GRIK1: variants seen among roughly 807,000 people sequenced by gnomAD.
GRIK1 encodes the protein glutamate receptor ionotropic, kainate 1.
A neutral mutation model predicts 105.7 loss-of-function variants in GRIK1; 69 were observed. That is an observed-to-expected ratio of 0.65 (90% CI 0.54 to 0.80). The LOEUF (loss-of-function observed/expected upper bound fraction) is 0.80. GRIK1 is among the 30% of genes least tolerant of loss of function. The pLI, the probability that GRIK1 is intolerant of heterozygous loss-of-function variation, is 0.00. For synonymous variants in GRIK1, 438 were observed against 431.3 expected, an observed-to-expected ratio of 1.02 and a Z score of -0.19; for missense variants, 1,109 against 1,167.3, an observed-to-expected ratio of 0.95 and a Z score of 0.73.
At chr21:29,693,861 C>A (rs1212834913) in intron 2 of GRIK1, 35 bp downstream of exon 2, 2 of 1,534,914 alleles carry the variant, frequency 1.3e-6, no homozygotes, top group South Asian at 1.1e-5. Context: ...AGACATATCA[C>A]CCAAAGAAGC....
chr21:29,657,107 A>G (rs1271594578), intron 4 of GRIK1, among the ~76,000 whole-genome samples: 2 of 152,118 alleles, frequency 1.3e-5, no homozygotes, highest in Non-Finnish European at 2.9e-5. Flanking sequence ...CAGAAATCCT[A>G]TTTTTCACTT....
chr21:29,734,307 A>G (rs531079720), intron 1 of GRIK1, among the ~76,000 whole-genome samples: 2 of 151,976 alleles, frequency 1.3e-5, no homozygotes, highest in Non-Finnish European at 2.9e-5. Context: ...CACACTACAG[A>G]CAGAGTGATC....
chr21:29,917,409 T>G (rs142237315), intron 1 of GRIK1, among the ~76,000 whole-genome samples: 5 of 152,138 alleles, frequency 3.3e-5, no homozygotes, highest in African/African-American at 1.2e-4. Flanking sequence ...GGAATGCCAA[T>G]CTCTGCATCA....
chr21:29,736,844 A>G (rs1440865519), intron 1 of GRIK1, among the ~76,000 whole-genome samples: 1 of 151,294 alleles, frequency 6.6e-6, no homozygotes, highest in Non-Finnish European at 1.5e-5. Context: ...TGGCTGACTG[A>G]TTTTTGTATT....
chr21:29,915,310 C>A (rs2070958021), intron 1 of GRIK1, among the ~76,000 whole-genome samples: 1 of 151,992 alleles, frequency 6.6e-6, no homozygotes, highest in African/African-American at 2.4e-5. Context: ...CATATCCAAC[C>A]AGACCTTGTA....
intron 1 of GRIK1, among the ~76,000 whole-genome samples, chr21:29,803,400 C>T (rs1314022909): frequency 1.3e-5 from 2 of 152,154 alleles, no homozygotes; most frequent in African/African-American, 4.8e-5. Context: ...AGCAAATGAA[C>T]ATGTCACCAT....
chr21:29,831,273 G>T (rs963184059), intron 1 of GRIK1, among the ~76,000 whole-genome samples: 6 of 152,058 alleles, frequency 3.9e-5, no homozygotes, highest in Non-Finnish European at 7.4e-5. Flanking sequence ...CTGCAGCTTT[G>T]ACTCCCACCA....
chr21:29,580,734 C>T (rs1424846300), intron 13 of GRIK1, among the ~76,000 whole-genome samples: 1 of 151,932 alleles, frequency 6.6e-6, no homozygotes, highest in Non-Finnish European at 1.5e-5. Flanking sequence ...ATTTTCTATA[C>T]CATATGCCTG....
intron 1 of GRIK1, among the ~76,000 whole-genome samples, chr21:29,755,464 G>A (rs577584124): frequency 3.3e-5 from 5 of 152,338 alleles, no homozygotes; most frequent in Admixed American, 3.3e-4. Context: ...AACCCTAACA[G>A]GTGAATACCA....
intron 1 of GRIK1, among the ~76,000 whole-genome samples, chr21:29,896,671 G>A (rs768599044): frequency 6.6e-6 from 1 of 152,166 alleles, no homozygotes. Flanking sequence ...GAAATACACT[G>A]TATTCACTAT....
At chr21:29,653,576 G>A (rs1314160829) in intron 5 of GRIK1, among the ~76,000 whole-genome samples, 1 of 152,178 alleles carries the variant, frequency 6.6e-6, no homozygotes, top group African/African-American at 2.4e-5. Flanking sequence ...AGAAAGTTCC[G>A]AGGCAGATGG....
At position 29,654,691 on chromosome 21, in the gene GRIK1, AAAGT is replaced by A. The variant is rs61307567; in HGVS notation, c.780+115_780+118del. 0.012 allele frequency: 8,010 copies of A among 667,802 alleles called. 477 individuals are homozygous for A. In the African/African-American group the frequency reaches 0.13, roughly 11 times the overall value. The allele number at this position is 667,802 out of a possible 1,614,324, so 41.4% of individuals were successfully genotyped here. ...TTGCTGGATTTAGAGGATTCTTAGGAAAGTAAGGCAAGTCTCCATGACAATATCC... is the reference window on the plus strand; with the variant it reads ...TTGCTGGATTTAGAGGATTCTTAGGAAAGGCAAGTCTCCATGACAATATCC... On this transcript the variant is annotated intron_variant, in intron 5 of 17. Coordinates refer to ENST00000327783, the MANE Select transcript of GRIK1 (RefSeq NM_001330994.2).
intron 1 of GRIK1, among the ~76,000 whole-genome samples, chr21:29,934,390 A>G (rs1229439661): frequency 6.6e-6 from 1 of 152,220 alleles, no homozygotes; most frequent in South Asian, 2.1e-4. Flanking sequence ...ATTTGCAGAA[A>G]CATGTTAACG....
chr21:29,791,442 C>T (rs2066412793), intron 1 of GRIK1, among the ~76,000 whole-genome samples: 1 of 151,704 alleles, frequency 6.6e-6, no homozygotes, highest in Non-Finnish European at 1.5e-5. Flanking sequence ...CCAGCAAGGA[C>T]CCTTTGGATT....
At chr21:29,645,700 G>C (rs1186611857) in intron 6 of GRIK1, among the ~76,000 whole-genome samples, 1 of 152,060 alleles carries the variant, frequency 6.6e-6, no homozygotes, top group Admixed American at 6.6e-5. Context: ...TTTTGTGCTC[G>C]AGGCCTGCTT....
chr21:29,563,366 C>T (rs1424454949), intron 14 of GRIK1, among the ~76,000 whole-genome samples: 1 of 152,148 alleles, frequency 6.6e-6, no homozygotes, highest in Non-Finnish European at 1.5e-5. Context: ...GGCTTTATTT[C>T]AGATTGTTAG....
At chr21:29,819,889 C>A (rs933179232) in intron 1 of GRIK1, among the ~76,000 whole-genome samples, 19 of 152,022 alleles carry the variant, frequency 1.2e-4, no homozygotes, top group African/African-American at 4.6e-4. Context: ...CCCCATCAAG[C>A]CCTCAAACTG....
Position 29,777,522 on chromosome 21 carries a change from T to C in GRIK1, c.119-83459A>G, listed in dbSNP as rs193055755. Among the ~76,000 whole-genome samples, 6 of 152,220 alleles carry C rather than the reference T, an allele frequency of 3.9e-5. No homozygotes were observed. In the South Asian group the frequency reaches 8.3e-4, roughly 21 times the overall value. The stretch of plus-strand genomic sequence containing the variant: ...AGGGTTTGGGGTATGGATAACAGCA[T>C]TGAAAAGGCCCAAGTCAAGAAAGCA... On this transcript the variant is annotated intron_variant, in intron 1 of 17. Coordinates refer to ENST00000327783, the MANE Select transcript of GRIK1 (RefSeq NM_001330994.2).
At chr21:29,791,321 GAA>G (rs752348669) in intron 1 of GRIK1, among the ~76,000 whole-genome samples, 3 of 150,834 alleles carry the variant, frequency 2.0e-5, no homozygotes, top group African/African-American at 2.4e-5. Flanking sequence ...AGAAGAGGAG[GAA>G]AAAAAAAGGA....
Sources: gnomAD v4.1 joint callset for allele counts (sites outside exome capture counted in the v4.1 genomes callset) on GRCh38, gnomAD v4.1.1 for gene constraint, MANE v1.5 for transcripts, NCBI Gene and HGNC (gene_info 2026-07-23, HGNC 2026-07-21) for gene names.